Variants in BAZ1B observed in about 807,000 individuals in gnomAD.
The protein encoded by BAZ1B is tyrosine-protein kinase BAZ1B.
A neutral mutation model predicts 153.8 loss-of-function variants in BAZ1B; 22 were observed. The ratio of observed to expected loss-of-function variants is 0.14; its 90% CI spans 0.10 to 0.20. The LOEUF (loss-of-function observed/expected upper bound fraction) is 0.20. Ranked by LOEUF, BAZ1B falls within the 10% of genes least tolerant of loss-of-function variation. BAZ1B has a pLI of 1.00. For synonymous variants in BAZ1B, 676 were observed against 633.4 expected (o/e 1.07, Z -1.01); for missense variants, 1,325 against 1,799.3 (o/e 0.74, Z 4.77).
At chr7:73,462,611 G>A (rs919506667) in intron 12 of BAZ1B, 5 of 320,846 alleles carry the variant, frequency 1.6e-5, no homozygotes, top group South Asian at 3.0e-5. Context: ...CACAGGCATC[G>A]CAAGGTAAAG....
intron 1 of BAZ1B, among the ~76,000 whole-genome samples, chr7:73,513,259 T>G (rs555317600): frequency 3.4e-4 from 52 of 152,314 alleles, no homozygotes; most frequent in African/African-American, 1.1e-3. Flanking sequence ...AGCCGCATGT[T>G]TAATAAATAT....
chr7:73,511,634 TAAGAAA>T (rs1790583742), intron 1 of BAZ1B, among the ~76,000 whole-genome samples: 2 of 151,944 alleles, frequency 1.3e-5, no homozygotes, highest in Non-Finnish European at 2.9e-5. Flanking sequence ...CAAAAACTCA[TAAGAAA>T]AAGTAAAGGT....
chr7:73,455,539 TGGGAGGCCA>T lies in BAZ1B; in HGVS notation c.3432+3988_3432+3996del, dbSNP rs1158404887. On this transcript the variant is annotated intron_variant, in intron 13 of 19. Transcript: ENST00000339594. ...GCTCATGCCTGTAATCTCAGCACTT[TGGGAGGCCA>T]GGGTGGGTGGATCACTTCAGCCCAG... Among the ~76,000 whole-genome samples, 8 of 152,130 alleles carry T rather than the reference TGGGAGGCCA, an allele frequency of 5.3e-5. No individual in the cohort carries two copies. In the South Asian group the frequency reaches 1.5e-3, roughly 28 times the overall value.
intron 1 of BAZ1B, 28 bp from the exon 2 acceptor site, chr7:73,510,880 A>AT: frequency 1.9e-6 from 3 of 1,590,372 alleles, no homozygotes; most frequent in Non-Finnish European, 2.6e-6. Context: ...GGAAAACAAT[A>AT]TGCAAGCAAC....
chr7:73,498,815 G>T, intron 3 of BAZ1B, 117 bp from the exon 4 acceptor site: 1 of 859,034 alleles, frequency 1.2e-6, no homozygotes, highest in Non-Finnish European at 1.8e-6. Flanking sequence ...GATTGAAACA[G>T]TAAAGTATCC....
At chr7:73,520,831 G>C (rs1791006057) in intron 1 of BAZ1B, among the ~76,000 whole-genome samples, 1 of 152,168 alleles carries the variant, frequency 6.6e-6, no homozygotes. Context: ...AAGGGGCTGA[G>C]AAAACTCATA....
chr7:73,506,783 G>A (rs1387679999), intron 3 of BAZ1B, among the ~76,000 whole-genome samples: 3 of 146,686 alleles, frequency 2.0e-5, no homozygotes, highest in African/African-American at 5.0e-5. Context: ...CCAGGGAGGC[G>A]GAGGTTGCAG....
At chr7:73,501,047 G>A (rs1162134450) in intron 3 of BAZ1B, among the ~76,000 whole-genome samples, 3 of 151,548 alleles carry the variant, frequency 2.0e-5, no homozygotes, top group Admixed American at 6.6e-5. Flanking sequence ...ACCTGAGGTC[G>A]GGAGTTCGAG....
At chr7:73,466,195 C>T (rs114852722) in intron 10 of BAZ1B, 101 bp downstream of exon 10, 69 of 815,930 alleles carry the variant, frequency 8.5e-5, no homozygotes, top group Middle Eastern at 2.7e-4. Context: ...AAGTATCCTG[C>T]GCAAATAATT....
chr7:73,474,168 A>G (rs1439707018), intron 7 of BAZ1B, among the ~76,000 whole-genome samples: 2 of 152,182 alleles, frequency 1.3e-5, no homozygotes, highest in African/African-American at 4.8e-5. Flanking sequence ...AAGCGTATCA[A>G]GGCCATTCAA....
chr7:73,496,957 G>A (rs1329767947), intron 4 of BAZ1B, among the ~76,000 whole-genome samples: 1 of 147,890 alleles, frequency 6.8e-6, no homozygotes, highest in African/African-American at 2.5e-5. Flanking sequence ...CCAGCCTGGG[G>A]GCAACAGAGT....
intron 13 of BAZ1B, among the ~76,000 whole-genome samples, chr7:73,459,207 C>T (rs560153227): frequency 6.6e-6 from 1 of 150,782 alleles, no homozygotes; most frequent in East Asian, 2.0e-4. Flanking sequence ...GAGATTGCAC[C>T]ACTGCACTCC....
Position 73,449,530 on chromosome 7 carries a change from A to G in BAZ1B, c.3728+12T>C. ...TATTCATTCAATTATTTTTAAAAGA[A>G]AAGATTCTCACCTGCCACGGGAGTT... On this transcript the variant is annotated intron_variant, in intron 15 of 19. Coordinates refer to ENST00000339594, the MANE Select transcript of BAZ1B (RefSeq NM_032408.4). The G allele has an allele frequency of 6.3e-7, 1 of 1,598,204 alleles. No individual in the cohort carries two copies. The highest frequency in any genetic ancestry group is 2.2e-5 in the East Asian group (1 of 44,792).
chr7:73,517,670 G>C (rs992418163), intron 1 of BAZ1B, among the ~76,000 whole-genome samples: 2 of 152,310 alleles, frequency 1.3e-5, no homozygotes, highest in South Asian at 4.1e-4. Context: ...AATGCCAATT[G>C]AGGTTTTTAT....
intron 4 of BAZ1B, among the ~76,000 whole-genome samples, chr7:73,495,896 G>A (rs2116401824): frequency 6.6e-6 from 1 of 152,172 alleles, no homozygotes; most frequent in Non-Finnish European, 1.5e-5. Context: ...ACAACTAATG[G>A]GTACTAGGCT....
At chr7:73,471,888 C>G (rs1462242034) in intron 7 of BAZ1B, among the ~76,000 whole-genome samples, 2 of 146,372 alleles carry the variant, frequency 1.4e-5, no homozygotes, top group Admixed American at 1.4e-4. Flanking sequence ...AAAAAAAAAG[C>G]GAGAGAGTGA....
rs1787733041 is a variant in BAZ1B, at chr7:73,444,074, C to A, written c.3900G>T (p.Arg1300Ser). Residue 1300 changes from arginine (R) to serine (S), a missense_variant, in exon 17 of 20, where the codon AGG (arginine) becomes AGT (serine). This residue lies in a region of BAZ1B where 271 missense variants were observed against 337.2 expected (regional missense o/e 0.80). Coordinates refer to ENST00000339594, the MANE Select transcript of BAZ1B (RefSeq NM_032408.4). ...GCTTCTTACCCGGGCGCCGGCCTGA[C>A]CTTGCTGCAGGGGGGATGACGCTGT... ...GKHSVIPPAA[R>S]SGRRPGKKPH... The A allele has an allele frequency of 6.2e-7, 1 of 1,613,542 alleles. No individual in the cohort carries two copies. Among genetic ancestry groups the A allele is most frequent in the African/African-American group, 1.3e-5 (1 of 75,028 alleles).
At chr7:73,481,956 G>A (rs930712781) in intron 6 of BAZ1B, among the ~76,000 whole-genome samples, 2 of 151,460 alleles carry the variant, frequency 1.3e-5, no homozygotes, top group South Asian at 2.1e-4. Flanking sequence ...GGAGAATGGC[G>A]TGAACCCGGG....
At chr7:73,497,129 G>T (rs1307848714) in intron 4 of BAZ1B, among the ~76,000 whole-genome samples, 1 of 149,302 alleles carries the variant, frequency 6.7e-6, no homozygotes, top group Non-Finnish European at 1.5e-5. Flanking sequence ...TACGGTCCCA[G>T]CTACTTGGGA....
Sources: allele counts gnomAD v4.1 joint callset (sites outside exome capture counted in the v4.1 genomes callset), GRCh38; gene constraint gnomAD v4.1.1; regional missense constraint gnomAD v4.1.1; transcripts MANE v1.5; gene names NCBI Gene and HGNC (gene_info 2026-07-23, HGNC 2026-07-21).